Variants in NEDD4L observed in about 807,000 individuals in gnomAD.
NEDD4L encodes NEDD4 like E3 ubiquitin protein ligase.
NEDD4L carries 54 observed loss-of-function variants against 148.9 expected under a neutral mutation model. That is an observed-to-expected ratio of 0.36 (90% CI 0.29 to 0.45). The LOEUF (loss-of-function observed/expected upper bound fraction) is 0.45, where lower values mean the gene tolerates loss of function less well. NEDD4L is among the 20% of genes least tolerant of loss of function. NEDD4L has a pLI of 1.00. For synonymous variants in NEDD4L, 433 were observed against 440.7 expected, an observed-to-expected ratio of 0.98 and a Z score of 0.22; for missense variants, 856 against 1,233.8, an observed-to-expected ratio of 0.69 and a Z score of 4.59.
chr18:58,131,668 TG>T (rs1379551189), intron 1 of NEDD4L, among the ~76,000 whole-genome samples: 2 of 151,890 alleles, frequency 1.3e-5, no homozygotes, highest in African/African-American at 4.8e-5. Flanking sequence ...TGTTGAGCTC[TG>T]TTGGGGTTTG....
chr18:58,286,609 T>G (rs2053940478), intron 5 of NEDD4L, among the ~76,000 whole-genome samples: 1 of 152,166 alleles, frequency 6.6e-6, no homozygotes, highest in South Asian at 2.1e-4. Flanking sequence ...AAAAACTGTT[T>G]CAGAATGTGT....
chr18:58,104,412 C>T (rs570219665), intron 1 of NEDD4L, among the ~76,000 whole-genome samples: 83 of 152,156 alleles, frequency 5.5e-4, no homozygotes, highest in Non-Finnish European at 9.4e-4. Context: ...GTTTTGCAAC[C>T]ACGCGGACGT....
At chr18:58,289,981 C>A (rs1182286915) in intron 5 of NEDD4L, among the ~76,000 whole-genome samples, 1 of 152,186 alleles carries the variant, frequency 6.6e-6, no homozygotes. Flanking sequence ...TTCATCATGT[C>A]CCCATGTAGC....
intron 2 of NEDD4L, among the ~76,000 whole-genome samples, chr18:58,180,499 C>A (rs565576): frequency 5.9e-5 from 9 of 152,124 alleles, no homozygotes; most frequent in African/African-American, 2.2e-4. Context: ...TCCCTACCCC[C>A]TTTCTGTGCT....
chr18:58,334,129 T>C, intron 12 of NEDD4L: 1 of 436,074 alleles, frequency 2.3e-6, no homozygotes. Context: ...CCCAAATTTA[T>C]ACCAATTTTG....
intron 25 of NEDD4L, among the ~76,000 whole-genome samples, chr18:58,384,576 G>T (rs1174447229): frequency 6.6e-6 from 1 of 152,202 alleles, no homozygotes; most frequent in Non-Finnish European, 1.5e-5. Flanking sequence ...ATCATTCTTT[G>T]CAGTTAATTC....
intron 1 of NEDD4L, among the ~76,000 whole-genome samples, chr18:58,079,367 A>T (rs192971095): frequency 2.0e-4 from 30 of 152,316 alleles, no homozygotes; most frequent in Admixed American, 1.6e-3. Flanking sequence ...GCGTGGTAAC[A>T]GCAGTGTTCA....
At chr18:58,258,089 A>G (rs537259110) in intron 5 of NEDD4L, among the ~76,000 whole-genome samples, 2 of 152,324 alleles carry the variant, frequency 1.3e-5, no homozygotes, top group Non-Finnish European at 2.9e-5. Context: ...CAGATGCTTA[A>G]TGAAAATTTA....
At chr18:58,049,220 G>A (rs936009413) in intron 1 of NEDD4L, among the ~76,000 whole-genome samples, 2 of 152,176 alleles carry the variant, frequency 1.3e-5, no homozygotes, top group Non-Finnish European at 2.9e-5. Context: ...TGTGTTTGAG[G>A]AAAGTGCTAG....
chr18:58,119,061 G>A (rs895074006), intron 1 of NEDD4L, among the ~76,000 whole-genome samples: 4 of 152,176 alleles, frequency 2.6e-5, no homozygotes, highest in South Asian at 2.1e-4. Context: ...TTTTGTCAGC[G>A]AAGTAAATCC....
chr18:58,347,481 G>C (rs1346203967), intron 16 of NEDD4L, among the ~76,000 whole-genome samples: 2 of 152,120 alleles, frequency 1.3e-5, no homozygotes, highest in Non-Finnish European at 2.9e-5. Context: ...GAAATTCAGT[G>C]CTTTCAGTTT....
chr18:58,082,102 A>ATTTTTTTTTTTTTTTTTTTTTTTT (rs1192932128), intron 1 of NEDD4L, among the ~76,000 whole-genome samples: 8 of 48,832 alleles, frequency 1.6e-4, no homozygotes, highest in Admixed American at 1.0e-3. Flanking sequence ...ATATATATAT[A>ATTTTTTTTTTTTTTTTTTTTTTTT]TTTTTTTTTT....
At chr18:58,275,927 T>C (rs2148882701) in intron 5 of NEDD4L, among the ~76,000 whole-genome samples, 1 of 152,306 alleles carries the variant, frequency 6.6e-6, no homozygotes, top group East Asian at 1.9e-4. Flanking sequence ...TCCCATTTCC[T>C]AAGCGGCTCT....
At chr18:58,320,694 G>A (rs528098853) in intron 6 of NEDD4L, among the ~76,000 whole-genome samples, 3 of 152,050 alleles carry the variant, frequency 2.0e-5, no homozygotes, top group Non-Finnish European at 4.4e-5. Context: ...ACACACCTGT[G>A]GTCCCAGCTA....
rs79971876 is a variant in NEDD4L, at chr18:58,137,052, C to T, written c.49-28736C>T. Among the ~76,000 whole-genome samples the T allele has an allele frequency of 2.9e-3, 445 of 152,296 alleles. 3 individuals are homozygous for T. The highest frequency in any genetic ancestry group is 9.9e-3 in the African/African-American group (412 of 41,556). ...TCTTGAATCCAAGGGTAATACGATA[C>T]GCAGTCTGGCAAAAGCAGTCATTTT... On this transcript the variant is annotated intron_variant, in intron 1 of 30. Coordinates refer to ENST00000400345, the MANE Select transcript of NEDD4L (RefSeq NM_001144967.3).
rs965302278 is a variant in NEDD4L at position 58,342,985 on chromosome 18, A to G, written c.1457A>G (p.Asn486Ser). Residue 486 changes from asparagine to serine, a missense_variant, in exon 16 of 31, where the codon AAC becomes AGC. By Grantham distance (46) the Asn-to-Ser change is conservative. This residue lies in a region of NEDD4L where 367 missense variants were observed against 422.7 expected (regional missense o/e 0.87). Transcript: ENST00000400345. ...CAGTCCCCACAGCCATCACCTTACA[A>G]CTCCCCCAAACCACAACACAAAGTC... is the stretch of plus-strand genomic sequence containing the variant. ...NPQSPQPSPYNSPKPQHKVTQ... is the reference protein window; with the variant it reads ...NPQSPQPSPYSSPKPQHKVTQ... The G allele has an allele frequency of 1.7e-5, 27 of 1,613,190 alleles. No homozygotes were observed. The highest frequency in any genetic ancestry group is 5.0e-5 in the Admixed American group (3 of 59,934).
In NEDD4L at chr18:58,311,487, C is replaced by T. The variant is rs2057693582; in HGVS notation, c.298-4495C>T. 2.0e-5 allele frequency among the ~76,000 whole-genome samples: 3 copies of T among 152,172 alleles called. No individual in the cohort carries two copies. The South Asian group carries it at 6.2e-4, about 32-fold the overall frequency. ...CAGCTGGGGGTCTTTAGGACCCCAG[C>T]GTGACCTGTGGGTAGCCCTTACTTC... On this transcript the variant is annotated intron_variant, in intron 5 of 30. Coordinates refer to ENST00000400345, the MANE Select transcript of NEDD4L (RefSeq NM_001144967.3).
At chr18:58,289,157 T>G (rs980750958) in intron 5 of NEDD4L, among the ~76,000 whole-genome samples, 1 of 152,242 alleles carries the variant, frequency 6.6e-6, no homozygotes, top group African/African-American at 2.4e-5. Flanking sequence ...TTTTCACAAG[T>G]AAATTTGATA....
intron 1 of NEDD4L, among the ~76,000 whole-genome samples, chr18:58,124,103 C>A (rs1023106108): frequency 2.0e-5 from 3 of 152,168 alleles, no homozygotes; most frequent in Admixed American, 6.5e-5. Flanking sequence ...CCTGCCCTCT[C>A]CAGCGCCTGC....
Sources: gnomAD v4.1 joint callset for allele counts (sites outside exome capture counted in the v4.1 genomes callset) on GRCh38, gnomAD v4.1.1 for gene constraint, gnomAD v4.1.1 regional missense constraint, MANE v1.5 for transcripts, NCBI Gene and HGNC (gene_info 2026-07-23, HGNC 2026-07-21) for gene names.